The following SYT12 variants were observed in gnomAD, a reference collection of about 807,000 sequenced individuals.
The protein encoded by SYT12 is synaptotagmin 12.
A neutral mutation model predicts 39.5 loss-of-function variants in SYT12; 27 were observed. The ratio of observed to expected loss-of-function variants is 0.68; its 90% CI spans 0.50 to 0.94. The LOEUF (loss-of-function observed/expected upper bound fraction) is 0.94, where lower values mean the gene tolerates loss of function less well. Ranked by LOEUF, SYT12 falls within the 40% of genes least tolerant of loss-of-function variation. SYT12 has a pLI of 0.00. For missense variants in SYT12, 536 were observed against 572.6 expected (o/e 0.94, Z 0.65); for synonymous variants, 233 against 239.7 (o/e 0.97, Z 0.26).
intron 3 of SYT12, among the ~76,000 whole-genome samples, chr11:67,012,593 T>C (rs1006506401): frequency 1.3e-5 from 2 of 152,126 alleles, no homozygotes; most frequent in African/African-American, 4.8e-5. Flanking sequence ...GCATCCTTCT[T>C]AAAATGTAAG....
intron 3 of SYT12, among the ~76,000 whole-genome samples, chr11:67,038,219 T>G (rs975111087): frequency 2.0e-5 from 3 of 151,912 alleles, no homozygotes; most frequent in Admixed American, 2.0e-4. Context: ...CAGTCTGGAG[T>G]GCAGCGGCGC....
In SYT12 at chr11:67,043,873, G is replaced by A. The variant is rs757707185; in HGVS notation, c.837+20G>A. 8.7e-6 allele frequency: 14 copies of A among 1,609,094 alleles called. No individual in the cohort carries two copies. The highest frequency in any genetic ancestry group is 4.5e-5 in the East Asian group (2 of 44,876). On this transcript the variant is annotated intron_variant, in intron 5 of 7. Coordinates refer to ENST00000527043, the MANE Select transcript of SYT12 (RefSeq NM_177963.4). ...AACAAGGTAAGTGACTTGCCTGCTCGTCCACCTCGGAAGAGCGTGCACACA... is the reference window on the plus strand; with the variant it reads ...AACAAGGTAAGTGACTTGCCTGCTCATCCACCTCGGAAGAGCGTGCACACA...
intron 3 of SYT12, among the ~76,000 whole-genome samples, chr11:67,038,321 C>T (rs1373538586): frequency 1.3e-5 from 2 of 151,964 alleles, no homozygotes; most frequent in Non-Finnish European, 2.9e-5. Context: ...TGCATGCCGC[C>T]ACACCCGGCT....
At chr11:67,013,015 A>G (rs1950024256) in intron 3 of SYT12, among the ~76,000 whole-genome samples, 1 of 152,110 alleles carries the variant, frequency 6.6e-6, no homozygotes, top group South Asian at 2.1e-4. Context: ...TGAGTTCCAG[A>G]TCTCCAGGAG....
chr11:67,033,483 A>G (rs1950306810), intron 2 of SYT12, among the ~76,000 whole-genome samples: 2 of 152,068 alleles, frequency 1.3e-5, no homozygotes, highest in Non-Finnish European at 2.9e-5. Flanking sequence ...GATCAATCTC[A>G]TGCCCTGAGG....
At chr11:67,026,294 T>C (rs544593667) in intron 1 of SYT12, among the ~76,000 whole-genome samples, 82 of 152,190 alleles carry the variant, frequency 5.4e-4, no homozygotes, top group African/African-American at 1.9e-3. Context: ...TTTTTTGAGA[T>C]GGAGTTTTGC....
chr11:67,045,706 A>C (rs1854521262), intron 6 of SYT12, 38 bp from the exon 7 acceptor site: 2 of 1,607,396 alleles, frequency 1.2e-6, no homozygotes, highest in Non-Finnish European at 1.7e-6. Flanking sequence ...GTGGTGAGTG[A>C]GTGTGACACT....
In SYT12 at chr11:67,040,189, G is replaced by T. The variant is rs757024796; in HGVS notation, c.607G>T (p.Val203Leu). Reference protein sequence around the residue: ...RVSLLPDEQIVGISRIQRNAY... With the variant: ...RVSLLPDEQILGISRIQRNAY... ...CAGCCTGCTGCCGGACGAGCAGATC[G>T]TGGGCATTTCTCGGGTAAGTGGGGC... Residue 203 changes from valine to leucine, a missense_variant, in exon 4 of 8, where the codon GTG (valine) becomes TTG (leucine). Physicochemically the swap from Val to Leu is conservative, Grantham distance 32. Transcript: ENST00000527043. The T allele has an allele frequency of 1.3e-6, 2 of 1,577,496 alleles. No homozygotes were observed. The highest frequency in any genetic ancestry group is 1.3e-5 in the African/African-American group (1 of 74,660).
In SYT12 at chr11:67,030,502, G is replaced by A. The variant is rs928171806; in HGVS notation, c.34+324G>A. 11 of 335,566 alleles carry A rather than the reference G, an allele frequency of 3.3e-5. No homozygotes were observed. The East Asian group carries it at 5.3e-4, about 16-fold the overall frequency. 20.8% of individuals were successfully genotyped at this position (335,566 alleles called of 1,614,324 possible). ...GCCTGTGACTCGGAATCCACTCACC[G>A]AGGCCTTCTGTGGAGACTGTCAAGT... On this transcript the variant is annotated intron_variant, in intron 2 of 7. Transcript: ENST00000527043.
At chr11:67,016,091 A>T (rs1227732908) in intron 3 of SYT12, among the ~76,000 whole-genome samples, 1 of 152,082 alleles carries the variant, frequency 6.6e-6, no homozygotes, top group African/African-American at 2.4e-5. Flanking sequence ...GACCAGCCTG[A>T]CCAACATGGT....
chr11:67,014,800 A>G (rs1321879489), intron 3 of SYT12, among the ~76,000 whole-genome samples: 1 of 152,092 alleles, frequency 6.6e-6, no homozygotes, highest in Non-Finnish European at 1.5e-5. Context: ...AAACCTGGCC[A>G]GGTTCCCTGT....
rs559399784 is a variant in SYT12, at chr11:67,047,109, C to A, written c.1092+1232C>A. 1.3e-4 allele frequency among the ~76,000 whole-genome samples: 20 copies of A among 151,994 alleles called. No individual in the cohort carries two copies. The South Asian group carries it at 4.2e-3, about 32-fold the overall frequency. The stretch of plus-strand genomic sequence containing the variant: ...CTTCCTGAGTAGCTGGGATTACAGG[C>A]ACCTGCCACCACACCTGGCTAATTT... On this transcript the variant is annotated intron_variant, in intron 7 of 7. Transcript: ENST00000527043.
chr11:67,043,889 C>T (rs372478318), intron 5 of SYT12, 36 bp downstream of exon 5: 6 of 1,587,206 alleles, frequency 3.8e-6, no homozygotes, highest in African/African-American at 2.7e-5. Flanking sequence ...CTCGGAAGAG[C>T]GTGCACACAC....
At chr11:67,017,891 C>T (rs1054376317) in intron 3 of SYT12, among the ~76,000 whole-genome samples, 2 of 151,762 alleles carry the variant, frequency 1.3e-5, no homozygotes, top group Admixed American at 6.6e-5. Flanking sequence ...ACCCAGGAGG[C>T]GGAGGTTGCA....
At chr11:67,012,358 G>A (rs1355705664) in intron 3 of SYT12, among the ~76,000 whole-genome samples, 1 of 151,910 alleles carries the variant, frequency 6.6e-6, no homozygotes, top group South Asian at 2.1e-4. Flanking sequence ...GTGATAGAGC[G>A]AGGCTCCATC....
chr11:67,014,340 A>T (rs182986238), intron 3 of SYT12, among the ~76,000 whole-genome samples: 3 of 152,158 alleles, frequency 2.0e-5, no homozygotes, highest in Non-Finnish European at 2.9e-5. Flanking sequence ...TGCTCATTGG[A>T]AGGAGTGAAG....
At chr11:67,027,448 T>TGA (rs1438084202) in intron 1 of SYT12, 1 of 137,870 alleles carries the variant, frequency 7.3e-6, no homozygotes. Flanking sequence ...TGCAGTGAGC[T>TGA]GAGATCGCGC....
intron 2 of SYT12, 158 bp downstream of exon 2, chr11:67,030,336 C>A: frequency 1.3e-6 from 1 of 744,526 alleles, no homozygotes. Context: ...AGACAGCCCG[C>A]CCTGGGGACA....
chr11:67,035,047 T>TTTCCC (rs1283417512), intron 3 of SYT12, among the ~76,000 whole-genome samples: 87 of 150,610 alleles, frequency 5.8e-4, no homozygotes, highest in Middle Eastern at 3.4e-3. Context: ...TTCCCTCTTG[T>TTTCCC]TGCCCAGGCT....
Sources: gnomAD v4.1 joint callset for allele counts (sites outside exome capture counted in the v4.1 genomes callset) on GRCh38, gnomAD v4.1.1 for gene constraint, MANE v1.5 for transcripts, NCBI Gene and HGNC (gene_info 2026-07-23, HGNC 2026-07-21) for gene names.